CARNMT1: variants seen among roughly 807,000 people sequenced by gnomAD.
CARNMT1 encodes carnosine N-methyltransferase 1.
A neutral mutation model predicts 49.6 loss-of-function variants in CARNMT1; 28 were observed. The ratio of observed to expected loss-of-function variants is 0.56; its 90% CI spans 0.42 to 0.77. The LOEUF (loss-of-function observed/expected upper bound fraction) is 0.77. Among genes scored for constraint, CARNMT1 ranks in the 30% least tolerant of loss-of-function variants. CARNMT1 has a pLI of 0.00. For missense variants in CARNMT1, 421 were observed against 512.6 expected, an observed-to-expected ratio of 0.82 and a Z score of 1.73; for synonymous variants, 178 against 175.0, an observed-to-expected ratio of 1.02 and a Z score of -0.13.
intron 3 of CARNMT1, among the ~76,000 whole-genome samples, chr9:75,010,608 GAATACC>G (rs1302694223): frequency 1.3e-5 from 2 of 152,132 alleles, no homozygotes; most frequent in African/African-American, 4.8e-5. Flanking sequence ...CATGTAACTG[GAATACC>G]AGAAGAGAAA....
chr9:75,013,323 G>A (rs1833755302), intron 3 of CARNMT1, among the ~76,000 whole-genome samples: 1 of 152,128 alleles, frequency 6.6e-6, no homozygotes, highest in South Asian at 2.1e-4. Context: ...AATGTGGTAA[G>A]GGGAAATCAG....
chr9:75,025,206 C>T (rs1261759441), intron 1 of CARNMT1, among the ~76,000 whole-genome samples: 2 of 152,140 alleles, frequency 1.3e-5, no homozygotes, highest in African/African-American at 2.4e-5. Context: ...ACCAGTGGCA[C>T]GTCATATGGG....
chr9:74,991,002 A>G (rs1464217477), intron 6 of CARNMT1, among the ~76,000 whole-genome samples: 1 of 152,234 alleles, frequency 6.6e-6, no homozygotes, highest in African/African-American at 2.4e-5. Context: ...AGTTAGGCAT[A>G]AAGATTTAAG....
intron 3 of CARNMT1, among the ~76,000 whole-genome samples, chr9:75,001,421 T>A (rs1833351711): frequency 6.6e-6 from 1 of 152,166 alleles, no homozygotes; most frequent in South Asian, 2.1e-4. Context: ...CACCTCAACC[T>A]AATGGCAGAA....
chr9:75,016,895 A>C (rs1833872833), intron 2 of CARNMT1: 1 of 320,222 alleles, frequency 3.1e-6, no homozygotes, highest in Non-Finnish European at 5.6e-6. Flanking sequence ...ATAAAAGATG[A>C]ACAGCAATAG....
chr9:75,019,059 G>A (rs541681596), intron 1 of CARNMT1, among the ~76,000 whole-genome samples: 1 of 150,874 alleles, frequency 6.6e-6, no homozygotes, highest in African/African-American at 2.4e-5. Context: ...ATAGAATGAA[G>A]AAATTACAGT....
chr9:75,009,221 A>G lies in CARNMT1; in HGVS notation c.590+7047T>C, dbSNP rs183958820. On this transcript the variant is annotated intron_variant, in intron 3 of 7. Transcript: ENST00000376834. ...TAAAACTATAAAAACCTTATTTTAAAAAGTTTTTTCTTTTTAACTTTAGAG... is the reference window on the plus strand; with the variant it reads ...TAAAACTATAAAAACCTTATTTTAAGAAGTTTTTTCTTTTTAACTTTAGAG... Among the ~76,000 whole-genome samples, 24 of 152,304 alleles carry G rather than the reference A, an allele frequency of 1.6e-4. No individual in the cohort carries two copies. In the East Asian group the frequency reaches 3.7e-3, roughly 23 times the overall value.
chr9:75,005,150 G>A (rs1021497665), intron 3 of CARNMT1, among the ~76,000 whole-genome samples: 4 of 152,064 alleles, frequency 2.6e-5, no homozygotes, highest in Non-Finnish European at 5.9e-5. Flanking sequence ...TGAGAAAAAG[G>A]TTTAAACCCT....
At chr9:75,003,915 G>A (rs1833433992) in intron 3 of CARNMT1, among the ~76,000 whole-genome samples, 2 of 152,142 alleles carry the variant, frequency 1.3e-5, no homozygotes, top group African/African-American at 2.4e-5. Context: ...TCGCTCTGTC[G>A]CCCAGGCTAG....
chr9:75,019,309 C>A (rs1412713220), intron 1 of CARNMT1, among the ~76,000 whole-genome samples: 1 of 152,152 alleles, frequency 6.6e-6, no homozygotes, highest in Admixed American at 6.5e-5. Context: ...ATAGCAGACT[C>A]AGAAGGAAAT....
At chr9:75,020,934 C>T (rs1405094610) in intron 1 of CARNMT1, among the ~76,000 whole-genome samples, 1 of 152,122 alleles carries the variant, frequency 6.6e-6, no homozygotes, top group Non-Finnish European at 1.5e-5. Flanking sequence ...AGGCAAATTA[C>T]CGCCTTCCTT....
intron 3 of CARNMT1, among the ~76,000 whole-genome samples, chr9:75,007,067 T>C (rs969985368): frequency 3.9e-5 from 6 of 152,246 alleles, no homozygotes; most frequent in Non-Finnish European, 7.3e-5. Context: ...GGTACATTTC[T>C]ATTAAAAGCC....
chr9:75,000,300 T>C (rs1364052623), intron 3 of CARNMT1, among the ~76,000 whole-genome samples: 1 of 152,198 alleles, frequency 6.6e-6, no homozygotes, highest in African/African-American at 2.4e-5. Context: ...TGTAACTCAA[T>C]TGTTTATGTT....
chr9:74,997,205 A>AAAAAGGGG (rs1833213296), intron 5 of CARNMT1, among the ~76,000 whole-genome samples: 1 of 152,144 alleles, frequency 6.6e-6, no homozygotes, highest in Non-Finnish European at 1.5e-5. Flanking sequence ...CTTGCTCCAG[A>AAAAAGGGG]AAAAGGGGAC....
chr9:74,996,923 T>C (rs1013791392), intron 5 of CARNMT1, among the ~76,000 whole-genome samples: 1 of 152,216 alleles, frequency 6.6e-6, no homozygotes, highest in African/African-American at 2.4e-5. Flanking sequence ...AAATTTAAAC[T>C]AGTGTTAACC....
intron 1 of CARNMT1, among the ~76,000 whole-genome samples, chr9:75,024,742 G>A (rs1006934080): frequency 6.6e-6 from 1 of 152,124 alleles, no homozygotes; most frequent in Non-Finnish European, 1.5e-5. Context: ...ACATTTTGCA[G>A]TAAAATTGAA....
chr9:75,017,151 T>C (rs1484503912), intron 2 of CARNMT1, 102 bp downstream of exon 2: 2 of 841,734 alleles, frequency 2.4e-6, no homozygotes, highest in Non-Finnish European at 1.8e-6. Flanking sequence ...GTAGAGCAAA[T>C]AGCCTGTGCC....
intron 2 of CARNMT1, 134 bp from the exon 3 acceptor site, chr9:75,016,565 T>C: frequency 1.3e-6 from 1 of 743,154 alleles, no homozygotes; most frequent in South Asian, 2.0e-5. Flanking sequence ...CAACTGGGGT[T>C]CAAGTGCAGC....
At chr9:75,019,523 A>G (rs1284932724) in intron 1 of CARNMT1, among the ~76,000 whole-genome samples, 3 of 152,180 alleles carry the variant, frequency 2.0e-5, no homozygotes, top group Admixed American at 2.0e-4. Context: ...TTAAAGTCTA[A>G]AAAGTGACAT....
Sources: gnomAD v4.1 joint callset for allele counts (sites outside exome capture counted in the v4.1 genomes callset) on GRCh38, gnomAD v4.1.1 for gene constraint, MANE v1.5 for transcripts, NCBI Gene and HGNC (gene_info 2026-07-23, HGNC 2026-07-21) for gene names.